The following FAAH2 variants were observed in gnomAD, a reference collection of about 807,000 sequenced individuals.
FAAH2 encodes the protein fatty acid amide hydrolase 2.
FAAH2 carries 60 observed loss-of-function variants against 36.9 expected under a neutral mutation model. The observed-to-expected ratio is 1.63, with a 90% CI of 1.32 to 2.02. The LOEUF (loss-of-function observed/expected upper bound fraction) is 2.02, where lower values mean the gene tolerates loss of function less well. Among genes scored for constraint, FAAH2 ranks in the 30% most tolerant of loss-of-function variants. The pLI is 0.00. For missense variants in FAAH2, 689 were observed against 397.5 expected (o/e 1.73, Z -6.23); for synonymous variants, 214 against 143.8 (o/e 1.49, Z -3.49).
chrX:57,331,627 C>T lies in FAAH2; in HGVS notation c.442C>T (p.Arg148Cys), dbSNP rs141132166. 2.5e-4 allele frequency: 304 copies of T among 1,209,004 alleles called. 1 individual carries two copies. In the South Asian group the frequency reaches 4.2e-3, roughly 17 times the overall value. ...GMPNSSGLMN[R>C]RDAIAKTDAT... ...GCCCAATTCTTCTGGACTCATGAACCGTCGTGATGCCATTGCCAAAACAGA... is the reference window on the plus strand; with the variant it reads ...GCCCAATTCTTCTGGACTCATGAACTGTCGTGATGCCATTGCCAAAACAGA... The change falls in exon 4 of 11, where the codon CGT becomes TGT. Residue 148 changes from arginine to cysteine, a missense_variant. Coordinates refer to ENST00000374900, the MANE Select transcript of FAAH2 (RefSeq NM_174912.4).
At chrX:57,147,131 G>T in the FAAH2 span, among the ~76,000 whole-genome samples, 1 of 111,596 alleles carries the variant, frequency 9.0e-6, no homozygotes, top group South Asian at 3.7e-4. Context: ...GTGCCAATAG[G>T]ATTTGTACCT....
At position 57,370,460 on chromosome X, in the gene FAAH2, G is replaced by A. The variant is rs189269650; in HGVS notation, c.743-8191G>A. On this transcript the variant is annotated intron_variant, in intron 5 of 10. Transcript: ENST00000374900. ...TAATATATAGGCACCCAACACTGGA[G>A]CACACAAATATATAAGGCAAATATT... 3.6e-5 allele frequency among the ~76,000 whole-genome samples: 4 copies of A among 111,668 alleles called. No individual in the cohort carries two copies. In the East Asian group the frequency reaches 1.1e-3, roughly 32 times the overall value.
chrX:57,168,009 A>C, the FAAH2 span, among the ~76,000 whole-genome samples: 1 of 111,751 alleles, frequency 8.9e-6, no homozygotes, highest in African/African-American at 3.2e-5. Context: ...AATTGTTCAA[A>C]ATGAATTAAA....
At chrX:57,171,599 A>G in the FAAH2 span, among the ~76,000 whole-genome samples, 4 of 111,074 alleles carry the variant, frequency 3.6e-5, no homozygotes, top group Non-Finnish European at 7.6e-5. Flanking sequence ...CCCCTTTTTA[A>G]TAGAATTACT....
At chrX:57,347,773 GGCTCTTTATAA>G (rs2053868232) in intron 5 of FAAH2, among the ~76,000 whole-genome samples, 1 of 108,812 alleles carries the variant, frequency 9.2e-6, no homozygotes, top group African/African-American at 3.4e-5. Context: ...AGGAGACCAG[GGCTCTTTATAA>G]GATCTTTATT....
chrX:57,311,597 G>A (rs4129399), intron 3 of FAAH2, among the ~76,000 whole-genome samples: 40,110 of 110,867 alleles, frequency 0.36, 6,180 homozygotes, highest in Middle Eastern at 0.62. Context: ...CCATTCCTCC[G>A]AGGAGGTGCA....
At chrX:57,351,590 C>T (rs1333013019) in intron 5 of FAAH2, among the ~76,000 whole-genome samples, 1 of 109,300 alleles carries the variant, frequency 9.1e-6, no homozygotes, top group Non-Finnish European at 1.9e-5. Flanking sequence ...GTGAGCTAAG[C>T]TAACAAAAAA....
chrX:57,354,212 T>A (rs2054102614), intron 5 of FAAH2, among the ~76,000 whole-genome samples: 1 of 110,998 alleles, frequency 9.0e-6, no homozygotes, highest in Non-Finnish European at 1.9e-5. Context: ...TATGATTGGA[T>A]AAATAAATTG....
At chrX:57,419,669 G>T (rs1472556303) in intron 7 of FAAH2, among the ~76,000 whole-genome samples, 4 of 111,650 alleles carry the variant, frequency 3.6e-5, no homozygotes, top group African/African-American at 1.3e-4. Context: ...TTTGTAGGTT[G>T]CCTGTTCACT....
chrX:57,385,745 C>G (rs1184815014), intron 7 of FAAH2, among the ~76,000 whole-genome samples: 1 of 110,866 alleles, frequency 9.0e-6, no homozygotes, highest in African/African-American at 3.3e-5. Context: ...CTCTACTAAA[C>G]AAAATACAAA....
the FAAH2 span, among the ~76,000 whole-genome samples, chrX:57,260,818 G>A: frequency 9.0e-6 from 1 of 110,889 alleles, no homozygotes; most frequent in Non-Finnish European, 1.9e-5. Flanking sequence ...TTAGTCATCA[G>A]AAAAGTGCAA....
intron 10 of FAAH2, among the ~76,000 whole-genome samples, chrX:57,477,668 T>C (rs1395533099): frequency 1.1e-5 from 1 of 89,521 alleles, no homozygotes; most frequent in African/African-American, 3.9e-5. Context: ...GGCCCCGGTG[T>C]AAGATGTTTC....
chrX:57,350,357 G>C (rs1199783000), intron 5 of FAAH2, among the ~76,000 whole-genome samples: 1 of 109,719 alleles, frequency 9.1e-6, no homozygotes, highest in Non-Finnish European at 1.9e-5. Context: ...GAACTCACTA[G>C]AAAAGCAATC....
chrX:57,171,354 G>T, the FAAH2 span, among the ~76,000 whole-genome samples: 13 of 111,958 alleles, frequency 1.2e-4, no homozygotes, highest in Non-Finnish European at 2.3e-4. Context: ...CTTAGAGGTT[G>T]TACTAATTTA....
chrX:57,158,140 T>C, the FAAH2 span, among the ~76,000 whole-genome samples: 1 of 111,481 alleles, frequency 9.0e-6, no homozygotes, highest in African/African-American at 3.3e-5. Context: ...AGAATGATGG[T>C]TTCCAGCTTC....
At chrX:57,371,384 T>C (rs903840134) in intron 5 of FAAH2, among the ~76,000 whole-genome samples, 5 of 111,999 alleles carry the variant, frequency 4.5e-5, no homozygotes, top group African/African-American at 1.3e-4. Flanking sequence ...GCTTAGGATA[T>C]TGGCCTCCAG....
At chrX:57,224,076 A>G in the FAAH2 span, among the ~76,000 whole-genome samples, 124 of 111,712 alleles carry the variant, frequency 1.1e-3, no homozygotes, top group Non-Finnish European at 2.1e-3. Flanking sequence ...CTTTGAAATC[A>G]TATATGGCCA....
chrX:57,475,551 T>C (rs896231711), intron 10 of FAAH2, among the ~76,000 whole-genome samples: 1 of 111,765 alleles, frequency 8.9e-6, no homozygotes, highest in Non-Finnish European at 1.9e-5. Flanking sequence ...CATTGATCTA[T>C]ATATCTGTTT....
chrX:57,323,621 C>G (rs1477674112), intron 3 of FAAH2, among the ~76,000 whole-genome samples: 1 of 109,451 alleles, frequency 9.1e-6, no homozygotes, highest in Non-Finnish European at 1.9e-5. Flanking sequence ...CTTTTGGCTG[C>G]ATAAATGTCT....
Sources: gnomAD v4.1 joint callset for allele counts (sites outside exome capture counted in the v4.1 genomes callset) on GRCh38, gnomAD v4.1.1 for gene constraint, MANE v1.5 for transcripts, NCBI Gene and HGNC (gene_info 2026-07-23, HGNC 2026-07-21) for gene names.